ZNF845: variants seen among roughly 807,000 people sequenced by gnomAD.
The protein encoded by ZNF845 is zinc finger protein 845.
ZNF845 carries 59 observed loss-of-function variants against 76.1 expected under a neutral mutation model. The observed-to-expected ratio is 0.78, with a 90% CI of 0.63 to 0.96. ZNF845 has a LOEUF of 0.96. ZNF845 is among the 40% of genes least tolerant of loss of function. ZNF845 has a pLI of 0.00. For missense variants in ZNF845, 1,045 were observed against 1,172.8 expected (o/e 0.89, Z 1.59); for synonymous variants, 361 against 386.9 (o/e 0.93, Z 0.78).
chr19:53,350,855 A>C lies in ZNF845; in HGVS notation c.180A>C (p.Ser60=), dbSNP rs367561129. The C allele has an allele frequency of 6.2e-6, 10 of 1,613,992 alleles. No individual in the cohort carries two copies. In the African/African-American group the frequency reaches 1.3e-4, roughly 22 times the overall value. Residue 60 remains serine (S), a synonymous_variant, in exon 4 of 4, where the codon TCA becomes TCC. Transcript: ENST00000458035. ...AATGCATGATGAAGGAGTTCTCATC[A>C]ACAGCACAAGGCAATACAGAAGTGA... The part of the protein sequence containing the change: ...SSKCMMKEFS[S]TAQGNTEVIH...
Position 53,352,624 on chromosome 19 carries a change from T to C in ZNF845, c.1949T>C (p.Leu650Pro). The stretch of plus-strand genomic sequence containing the variant: ...GAAGCTTTCAGTTTCAAATCAAACC[T>C]TCAAAGACATAGGAGAATTCATACT... Reference protein sequence around the residue: ...CDEAFSFKSNLQRHRRIHTGE... With the variant: ...CDEAFSFKSNPQRHRRIHTGE... Residue 650 changes from leucine (L) to proline (P), a missense_variant, in exon 4 of 4, where the codon CTT becomes CCT. Transcript: ENST00000458035. The C allele has an allele frequency of 1.9e-6, 3 of 1,613,530 alleles. No individual in the cohort carries two copies. The highest frequency in any genetic ancestry group is 2.5e-6 in the Non-Finnish European group (3 of 1,179,842).
Position 53,353,777 on chromosome 19 carries a change from G to A in ZNF845, c.*189G>A. On this transcript the variant is annotated 3_prime_UTR_variant, in exon 4 of 4. Coordinates refer to ENST00000458035, the MANE Select transcript of ZNF845 (RefSeq NM_138374.3). ...TTACAAGTGTACTGAGTGTGGCAAA[G>A]CCTTTAGTGGGCAGTCAACACTTAT... 5.3e-6 allele frequency: 8 copies of A among 1,514,920 alleles called. No individual in the cohort carries two copies. Among genetic ancestry groups the A allele is most frequent in the Non-Finnish European group, 7.1e-6 (8 of 1,133,792 alleles). The allele number at this position is 1,514,920 out of a possible 1,614,324, so 93.8% of individuals were successfully genotyped here.
intron 1 of ZNF845, among the ~76,000 whole-genome samples, chr19:53,334,984 G>A (rs2085203261): frequency 6.6e-6 from 1 of 152,154 alleles, no homozygotes; most frequent in African/African-American, 2.4e-5. Flanking sequence ...GTTGTGATAT[G>A]TTGACTTCTG....
At chr19:53,349,179 T>A (rs2085317073) in intron 3 of ZNF845, among the ~76,000 whole-genome samples, 1 of 152,092 alleles carries the variant, frequency 6.6e-6, no homozygotes, top group Admixed American at 6.6e-5. Flanking sequence ...TTATTCCTTA[T>A]AATGCTGTGT....
At chr19:53,335,554 G>A (rs1352330095) in intron 1 of ZNF845, among the ~76,000 whole-genome samples, 1 of 152,044 alleles carries the variant, frequency 6.6e-6, no homozygotes, top group African/African-American at 2.4e-5. Flanking sequence ...ATTACAGAGA[G>A]GAGCCACCGT....
chr19:53,353,561 TA>T lies in ZNF845; in HGVS notation c.2887del (p.Arg963GlufsTer42). The part of the protein sequence containing the change: ...NRKAKLARHH[R>X]IHTGKKH ...GAAAAGCAAAACTTGCACGTCATCA[TA>T]GAATTCATACTGGAAAGAAACATTA... On this transcript the variant is annotated frameshift_variant, in exon 4 of 4. Transcript: ENST00000458035. LOFTEE classifies it high-confidence loss of function. 1 of 1,604,180 alleles carries T rather than the reference TA, an allele frequency of 6.2e-7. No homozygotes were observed. Among genetic ancestry groups the T allele is most frequent in the East Asian group, 2.2e-5 (1 of 44,450 alleles).
Position 53,354,422 on chromosome 19 carries a change from G to T in ZNF845, c.*834G>T. ...GGGGTGGCTCACGCCTGTAATCCCA[G>T]CACTTTGGGAGGCCAAGACCAATAG... is the stretch of plus-strand genomic sequence containing the variant. On this transcript the variant is annotated 3_prime_UTR_variant, in exon 4 of 4. Coordinates refer to ENST00000458035, the MANE Select transcript of ZNF845 (RefSeq NM_138374.3). 4.1e-6 allele frequency: 1 copy of T among 243,866 alleles called. No homozygotes were observed. Among genetic ancestry groups the T allele is most frequent in the Non-Finnish European group, 8.4e-6 (1 of 118,810 alleles). 15.1% of individuals were successfully genotyped at this position (243,866 alleles called of 1,614,324 possible).
At chr19:53,333,836 C>T (rs1599962235) in intron 1 of ZNF845, 44 bp downstream of exon 1, 1 of 157,802 alleles carries the variant, frequency 6.3e-6, no homozygotes, top group Non-Finnish European at 1.4e-5. Context: ...CTTCCCAAGT[C>T]CCCGGCGCTT....
intron 3 of ZNF845, 103 bp downstream of exon 3, chr19:53,345,735 T>G: frequency 1.3e-6 from 2 of 1,562,756 alleles, no homozygotes; most frequent in Non-Finnish European, 1.7e-6. Flanking sequence ...CAGGGTGGAG[T>G]GAAATGGTGT....
chr19:53,336,633 CTTTTTTTTTTTTTTT>C (rs398035035), intron 1 of ZNF845, among the ~76,000 whole-genome samples: 1 of 92,446 alleles, frequency 1.1e-5, no homozygotes, highest in East Asian at 3.4e-4. Flanking sequence ...TTCTTTCTTT[CTTTTTTTTTTTTTTT>C]TTTTTGCAGT....
rs1351236758 is a variant in ZNF845 at position 53,355,191 on chromosome 19, T to A, written c.*1603T>A. Reference sequence around the variant, plus strand: ...CATCCCAAAGTTCTGGGATTACAGGTGTGAGCCACCGCACCCAGCCAGTGA... The same window carrying A: ...CATCCCAAAGTTCTGGGATTACAGGAGTGAGCCACCGCACCCAGCCAGTGA... On this transcript the variant is annotated 3_prime_UTR_variant, in exon 4 of 4. Coordinates refer to ENST00000458035, the MANE Select transcript of ZNF845 (RefSeq NM_138374.3). The A allele has an allele frequency of 1.3e-5, 2 of 151,990 alleles. No homozygotes were observed. Among genetic ancestry groups the A allele is most frequent in the Non-Finnish European group, 2.9e-5 (2 of 68,010 alleles). 9.4% of individuals were successfully genotyped at this position (151,990 alleles called of 1,614,324 possible).
chr19:53,353,216 A>T lies in ZNF845; in HGVS notation c.2541A>T (p.Glu847Asp). 1 of 1,614,012 alleles carries T rather than the reference A, an allele frequency of 6.2e-7. No individual in the cohort carries two copies. The highest frequency in any genetic ancestry group is 8.5e-7 in the Non-Finnish European group (1 of 1,179,894). Residue 847 changes from glutamate (E) to aspartate (D), a missense_variant, in exon 4 of 4, where the codon GAA becomes GAT. Transcript: ENST00000458035. ...CCTTCCGTCACAATTCAGCCCTTGA[A>T]ATTCATAAGGCAATTCATACTGGAG... ...GKTFRHNSAL[E>D]IHKAIHTGEK...
At chr19:53,339,639 T>C (rs886383189) in intron 1 of ZNF845, among the ~76,000 whole-genome samples, 1 of 152,330 alleles carries the variant, frequency 6.6e-6, no homozygotes, top group African/African-American at 2.4e-5. Context: ...TTTTTCTTCA[T>C]TGAGAGTCTG....
Position 53,353,034 on chromosome 19 carries a change from G to C in ZNF845, c.2359G>C (p.Asp787His). Residue 787 changes from aspartate to histidine, a missense_variant, in exon 4 of 4, where the codon GAT (aspartate) becomes CAT (histidine). Transcript: ENST00000458035. ...CKVCDKAFGR[D>H]SHLAQHTRIH... ...GGTTTGTGACAAAGCTTTTGGGCGT[G>C]ATTCACACCTGGCACAACATACTAG... The C allele has an allele frequency of 6.2e-7, 1 of 1,612,632 alleles. No individual in the cohort carries two copies. Among genetic ancestry groups the C allele is most frequent in the South Asian group, 1.1e-5 (1 of 91,012 alleles).
At chr19:53,344,714 T>G (rs2085282716) in intron 2 of ZNF845, among the ~76,000 whole-genome samples, 1 of 151,620 alleles carries the variant, frequency 6.6e-6, no homozygotes, top group Admixed American at 6.6e-5. Flanking sequence ...CACCACAACC[T>G]CCGCCTCCCT....
intron 1 of ZNF845, among the ~76,000 whole-genome samples, chr19:53,338,722 G>GCA (rs796073363): frequency 7.7e-6 from 1 of 129,390 alleles, no homozygotes; most frequent in Non-Finnish European, 1.6e-5. Context: ...ACACACACAC[G>GCA]CACACACACA....
Position 53,352,348 on chromosome 19 carries a change from A to G in ZNF845, c.1673A>G (p.Lys558Arg). ...CCTTACCAGTGTAATGAGTGTGGCA[A>G]AGCCTTTCGTGGGCAGTCAGCACTT... Reference protein sequence around the residue: ...EKPYQCNECGKAFRGQSALIY... With the variant: ...EKPYQCNECGRAFRGQSALIY... The change falls in exon 4 of 4, where the codon AAA becomes AGA. Residue 558 changes from lysine to arginine, a missense_variant. Transcript: ENST00000458035. 1 of 1,613,854 alleles carries G rather than the reference A, an allele frequency of 6.2e-7. No homozygotes were observed. The highest frequency in any genetic ancestry group is 8.5e-7 in the Non-Finnish European group (1 of 1,179,888).
Position 53,346,288 on chromosome 19 carries a change from CCTT to C in ZNF845, c.142+660_142+662del, listed in dbSNP as rs552762334. 1.4e-3 allele frequency: 480 copies of C among 343,270 alleles called. 1 individual carries two copies. The highest frequency in any genetic ancestry group is 9.6e-3 in the African/African-American group (436 of 45,184). The allele number at this position is 343,270 out of a possible 1,614,324, so 21.3% of individuals were successfully genotyped here. Reference sequence around the variant, plus strand: ...TTTTTGTGTAGACATGCTTTGACTCCCTTCTTATTGACTTTTGTTTATGATGGA... The same window carrying C: ...TTTTTGTGTAGACATGCTTTGACTCCCTTATTGACTTTTGTTTATGATGGA... On this transcript the variant is annotated intron_variant, in intron 3 of 3. Coordinates refer to ENST00000458035, the MANE Select transcript of ZNF845 (RefSeq NM_138374.3).
Position 53,351,996 on chromosome 19 carries a change from T to C in ZNF845, c.1321T>C (p.Cys441Arg). The change falls in exon 4 of 4, where the codon TGT (cysteine) becomes CGT (arginine). Residue 441 changes from cysteine (C) to arginine (R), a missense_variant. By Grantham distance (180) the Cys-to-Arg change is radical. Coordinates refer to ENST00000458035, the MANE Select transcript of ZNF845 (RefSeq NM_138374.3). ...TCATACTGGAGAGAAACCTTACAAA[T>C]GTGAAGAATGTGATGAAGCTTTCAG... is the stretch of plus-strand genomic sequence containing the variant. Reference protein sequence around the residue: ...RLHTGEKPYKCEECDEAFSFK... With the variant: ...RLHTGEKPYKREECDEAFSFK... 12 of 1,614,006 alleles carry C rather than the reference T, an allele frequency of 7.4e-6. No individual in the cohort carries two copies. Among genetic ancestry groups the C allele is most frequent in the Non-Finnish European group, 1.0e-5 (12 of 1,179,974 alleles).
Sources: gnomAD v4.1 joint callset for allele counts (sites outside exome capture counted in the v4.1 genomes callset) on GRCh38, gnomAD v4.1.1 for gene constraint, MANE v1.5 for transcripts, NCBI Gene and HGNC (gene_info 2026-07-23, HGNC 2026-07-21) for gene names.